Variants in OCA2 observed in about 807,000 individuals in gnomAD.
OCA2 encodes the protein OCA2 melanosomal transmembrane protein, also known as P protein.
Under a neutral mutation model 100.2 loss-of-function variants are expected in OCA2, and 77 were observed. That is an observed-to-expected ratio of 0.77 (90% CI 0.64 to 0.93). OCA2 has a LOEUF of 0.93. Ranked by LOEUF, OCA2 falls within the 40% of genes least tolerant of loss-of-function variation. The probability of loss-of-function intolerance (pLI) is 0.00; values close to 1 mark genes in which losing one functional copy is unlikely to be tolerated. For synonymous variants in OCA2, 432 were observed against 439.2 expected, an observed-to-expected ratio of 0.98 and a Z score of 0.21; for missense variants, 1,062 against 1,089.1, an observed-to-expected ratio of 0.98 and a Z score of 0.35.
At chr15:27,948,509 G>A (rs910643537) in intron 18 of OCA2, among the ~76,000 whole-genome samples, 7 of 151,798 alleles carry the variant, frequency 4.6e-5, no homozygotes, top group Admixed American at 1.3e-4. Flanking sequence ...CTCTGTCATC[G>A]AGGCTGAGCC....
At chr15:27,945,988 A>G (rs2039818976) in intron 18 of OCA2, among the ~76,000 whole-genome samples, 1 of 152,198 alleles carries the variant, frequency 6.6e-6, no homozygotes, top group East Asian at 1.9e-4. Flanking sequence ...TGATGTAAAA[A>G]AATTCAAAAA....
intron 2 of OCA2, among the ~76,000 whole-genome samples, chr15:28,032,965 C>G (rs1443946856): frequency 1.3e-5 from 2 of 152,174 alleles, no homozygotes; most frequent in Admixed American, 6.5e-5. Context: ...AATGAGACGA[C>G]AATCAGAATG....
At chr15:28,003,823 G>T (rs116323969) in intron 9 of OCA2, among the ~76,000 whole-genome samples, 1,930 of 152,310 alleles carry the variant, frequency 0.013, 34 homozygotes, top group African/African-American at 0.044. Context: ...TGCTCTGAAG[G>T]TGGGCCTTCC....
chr15:27,968,204 T>C (rs2040643816), intron 14 of OCA2, among the ~76,000 whole-genome samples: 1 of 152,262 alleles, frequency 6.6e-6, no homozygotes, highest in Non-Finnish European at 1.5e-5. Context: ...AGGCACCTCC[T>C]GAGCCCCCAG....
intron 19 of OCA2, among the ~76,000 whole-genome samples, chr15:27,880,599 T>G (rs1172034271): frequency 6.6e-6 from 1 of 152,178 alleles, no homozygotes; most frequent in Non-Finnish European, 1.5e-5. Flanking sequence ...TATTCCTAGG[T>G]TTTTTATTCT....
chr15:27,769,265 G>A (rs925976655), intron 23 of OCA2, among the ~76,000 whole-genome samples: 2 of 152,182 alleles, frequency 1.3e-5, no homozygotes, highest in African/African-American at 2.4e-5. Context: ...CACAAATCAC[G>A]ATGCACACGT....
At chr15:27,749,477 T>C in the OCA2 span, among the ~76,000 whole-genome samples, 11 of 152,218 alleles carry the variant, frequency 7.2e-5, no homozygotes, top group African/African-American at 2.7e-4. Flanking sequence ...TTCTTTCTTA[T>C]GAGTTCTAGC....
chr15:28,043,355 GA>G lies in OCA2; in HGVS notation c.228-11193del, dbSNP rs1211148125. On this transcript the variant is annotated intron_variant, in intron 2 of 23. Transcript: ENST00000354638. The surrounding 1 kb of genome is among the most constrained non-coding windows in gnomAD (Gnocchi z 4.4). The stretch of plus-strand genomic sequence containing the variant: ...TGAGACACAAGAAGTAGACATACCA[GA>G]AATAAAGCCAAACATGCATGGCTGT... Among the ~76,000 whole-genome samples, 2 of 152,200 alleles carry G rather than the reference GA, an allele frequency of 1.3e-5. No individual in the cohort carries two copies. The highest frequency in any genetic ancestry group is 2.9e-5 in the Non-Finnish European group (2 of 68,044).
At chr15:28,042,643 GTAAATAAATAAATAATAAATAAA>G (rs1157544867) in intron 2 of OCA2, among the ~76,000 whole-genome samples, 4 of 150,808 alleles carry the variant, frequency 2.7e-5, no homozygotes, top group African/African-American at 9.8e-5. Flanking sequence ...CTGTCTCAAA[GTAAATAAATAAATAATAAATAAA>G]TAAATAAATA....
At chr15:27,776,984 T>TGGGGGGAGGGGGGGGGGGGGGGGG (rs2032269715) in intron 23 of OCA2, among the ~76,000 whole-genome samples, 1 of 61,456 alleles carries the variant, frequency 1.6e-5, no homozygotes, top group Non-Finnish European at 3.4e-5. Flanking sequence ...TGGGGGGGGG[T>TGGGGGGAGGGGGGGGGGGGGGGGG]GGGGGGAGTG....
intron 7 of OCA2, 98 bp downstream of exon 7, chr15:28,018,299 C>T: frequency 8.6e-7 from 1 of 1,168,718 alleles, no homozygotes; most frequent in Admixed American, 1.7e-5. Context: ...GGTGTCCTCG[C>T]CTGTGGCTCC....
intron 17 of OCA2, among the ~76,000 whole-genome samples, chr15:27,952,406 C>T (rs1190450399): frequency 5.3e-5 from 8 of 152,212 alleles, no homozygotes; most frequent in Admixed American, 3.3e-4. Flanking sequence ...CCCCGAGGCA[C>T]CTCATCCTCC....
intron 23 of OCA2, among the ~76,000 whole-genome samples, chr15:27,805,228 G>C (rs559371017): frequency 6.6e-6 from 1 of 152,376 alleles, no homozygotes; most frequent in East Asian, 1.9e-4. Flanking sequence ...GGTTTGATGG[G>C]AGACTCCATG....
chr15:28,044,329 ACT>A (rs1009629992), intron 2 of OCA2, among the ~76,000 whole-genome samples: 1 of 152,100 alleles, frequency 6.6e-6, no homozygotes, highest in Non-Finnish European at 1.5e-5. Flanking sequence ...TCCTAGGTAG[ACT>A]CTGCCAGTGA....
At chr15:27,797,722 G>A (rs2033405771) in intron 23 of OCA2, among the ~76,000 whole-genome samples, 1 of 152,220 alleles carries the variant, frequency 6.6e-6, no homozygotes, top group Non-Finnish European at 1.5e-5. Flanking sequence ...ACGTCTATCA[G>A]CAGCAGACAG....
At chr15:28,008,824 G>C (rs1056622652) in intron 9 of OCA2, among the ~76,000 whole-genome samples, 1 of 152,244 alleles carries the variant, frequency 6.6e-6, no homozygotes, top group Non-Finnish European at 1.5e-5. Flanking sequence ...CTGGGGAGCA[G>C]CTGGCAGCAG....
At chr15:27,858,361 G>A (rs554664592) in intron 21 of OCA2, among the ~76,000 whole-genome samples, 7 of 133,126 alleles carry the variant, frequency 5.3e-5, no homozygotes, top group Admixed American at 3.3e-4. Flanking sequence ...GGAATAGAGT[G>A]AAACTCTGCC....
intron 19 of OCA2, among the ~76,000 whole-genome samples, chr15:27,894,201 A>C (rs1340586730): frequency 6.6e-6 from 1 of 152,136 alleles, no homozygotes; most frequent in African/African-American, 2.4e-5. Flanking sequence ...ATACTGTTTC[A>C]CTAGAAAATT....
At chr15:27,723,906 T>C in the OCA2 span, among the ~76,000 whole-genome samples, 1 of 152,158 alleles carries the variant, frequency 6.6e-6, no homozygotes, top group African/African-American at 2.4e-5. Flanking sequence ...AGCTCCCTTC[T>C]GCGTGCACAA....
Sources: allele counts gnomAD v4.1 joint callset (sites outside exome capture counted in the v4.1 genomes callset), GRCh38; gene constraint gnomAD v4.1.1; non-coding constraint Gnocchi (gnomAD v3.1); transcripts MANE v1.5; gene names NCBI Gene and HGNC (gene_info 2026-07-23, HGNC 2026-07-21).